Variants in TMCC1 observed in about 807,000 individuals in gnomAD.
TMCC1 encodes transmembrane and coiled-coil domain family 1, also known as transmembrane and coiled-coil domains protein 1.
TMCC1 carries 15 observed loss-of-function variants against 52.4 expected under a neutral mutation model. That is an observed-to-expected ratio of 0.29 (90% CI 0.19 to 0.44). The LOEUF is 0.44. TMCC1 is among the 20% of genes least tolerant of loss of function. The probability of loss-of-function intolerance (pLI) is 1.00; values close to 1 mark genes in which losing one functional copy is unlikely to be tolerated. For missense variants in TMCC1, 503 were observed against 806.0 expected (o/e 0.62, Z 4.55); for synonymous variants, 279 against 301.9 (o/e 0.92, Z 0.79).
intron 4 of TMCC1, among the ~76,000 whole-genome samples, chr3:129,675,795 T>C (rs2088374726): frequency 6.6e-6 from 1 of 152,136 alleles, no homozygotes; most frequent in Non-Finnish European, 1.5e-5. Context: ...CTCAGCACTT[T>C]GAGAGGCCGA....
At chr3:129,652,601 A>G (rs145118432) in intron 6 of TMCC1, among the ~76,000 whole-genome samples, 2 of 152,242 alleles carry the variant, frequency 1.3e-5, no homozygotes, top group African/African-American at 4.8e-5. Context: ...AAATCTCATC[A>G]GTTTTTAAAA....
At chr3:129,734,706 C>T (rs1265715869) in intron 4 of TMCC1, among the ~76,000 whole-genome samples, 1 of 151,984 alleles carries the variant, frequency 6.6e-6, no homozygotes, top group African/African-American at 2.4e-5. Context: ...GAATAAAACA[C>T]ATATGTTAAT....
rs571522055 is a variant in TMCC1, at chr3:129,771,186, T to C, written c.576+56617A>G. On this transcript the variant is annotated intron_variant, in intron 4 of 6. Coordinates refer to ENST00000393238, the MANE Select transcript of TMCC1 (RefSeq NM_001017395.5). ...GCATAAAGAGTGGGTACAATTTGGA[T>C]AAGGAGATTGGGGATGGGCTGGGAA... 6.6e-5 allele frequency among the ~76,000 whole-genome samples: 10 copies of C among 152,100 alleles called. No individual in the cohort carries two copies. In the South Asian group the frequency reaches 2.1e-3, roughly 32 times the overall value.
intron 4 of TMCC1, among the ~76,000 whole-genome samples, chr3:129,679,444 T>C (rs2088773619): frequency 6.6e-6 from 1 of 152,146 alleles, no homozygotes; most frequent in African/African-American, 2.4e-5. Flanking sequence ...TAGCTGGGAC[T>C]ACAGGTGCGC....
chr3:129,659,168 T>G (rs1425002182), intron 5 of TMCC1, among the ~76,000 whole-genome samples: 1 of 150,788 alleles, frequency 6.6e-6, no homozygotes, highest in Non-Finnish European at 1.5e-5. Context: ...GGTGCAATCA[T>G]GGCTCACTGC....
At chr3:129,659,526 T>C (rs1028594784) in intron 5 of TMCC1, among the ~76,000 whole-genome samples, 3 of 152,126 alleles carry the variant, frequency 2.0e-5, no homozygotes, top group African/African-American at 4.8e-5. Flanking sequence ...CTATGTAAAA[T>C]CAGGTGTGAA....
intron 4 of TMCC1, among the ~76,000 whole-genome samples, chr3:129,677,537 C>G (rs1357512047): frequency 6.6e-6 from 1 of 152,162 alleles, no homozygotes; most frequent in African/African-American, 2.4e-5. Context: ...ATTCCTGCTA[C>G]AAATACTTCA....
chr3:129,709,934 C>T (rs1370576848), intron 4 of TMCC1, among the ~76,000 whole-genome samples: 1 of 152,100 alleles, frequency 6.6e-6, no homozygotes, highest in Non-Finnish European at 1.5e-5. Context: ...CACCTGTAAT[C>T]CCAGCACTTT....
At chr3:129,817,066 G>A (rs1285448019) in intron 4 of TMCC1, among the ~76,000 whole-genome samples, 1 of 151,676 alleles carries the variant, frequency 6.6e-6, no homozygotes, top group African/African-American at 2.4e-5. Flanking sequence ...TATTTAAGGT[G>A]ATAGATATCC....
At chr3:129,765,042 T>A (rs1273643883) in intron 4 of TMCC1, among the ~76,000 whole-genome samples, 2 of 150,758 alleles carry the variant, frequency 1.3e-5, no homozygotes, top group African/African-American at 2.4e-5. Context: ...CCAAAAGCGA[T>A]CCTCCCTCCT....
chr3:129,883,258 G>A (rs1193942495), intron 1 of TMCC1, among the ~76,000 whole-genome samples: 1 of 152,104 alleles, frequency 6.6e-6, no homozygotes, highest in Non-Finnish European at 1.5e-5. Context: ...GTTGCAGTGA[G>A]CTGAGATCGC....
rs1362766869 is a variant in TMCC1, at chr3:129,880,515, GAAGA to G, written c.-394_-391del. ...AACTGTTCACCGAGCGTCAGCATCT[GAAGA>G]AAGTGCTAACTGTGGATGTGTCTTC... On this transcript the variant is annotated 5_prime_UTR_variant, in exon 2 of 7. It removes the in-frame stop codon of an upstream open reading frame in the 5' UTR. Transcript: ENST00000393238. The G allele has an allele frequency of 1.3e-5, 2 of 152,206 alleles. No homozygotes were observed. Among genetic ancestry groups the G allele is most frequent in the African/African-American group, 4.8e-5 (2 of 41,456 alleles). The allele number at this position is 152,206 out of a possible 1,614,324, so 9.4% of individuals were successfully genotyped here.
chr3:129,755,861 G>A (rs1277005901), intron 4 of TMCC1, among the ~76,000 whole-genome samples: 1 of 152,182 alleles, frequency 6.6e-6, no homozygotes, highest in Non-Finnish European at 1.5e-5. Flanking sequence ...TCAACACTTT[G>A]GGAGGCTGAG....
chr3:129,722,288 A>C (rs532303333), intron 4 of TMCC1, among the ~76,000 whole-genome samples: 1 of 152,204 alleles, frequency 6.6e-6, no homozygotes, highest in African/African-American at 2.4e-5. Context: ...CCCTATTATG[A>C]ACTGCGCTTG....
At chr3:129,838,896 A>AC (rs2059295614) in intron 2 of TMCC1, among the ~76,000 whole-genome samples, 1 of 152,110 alleles carries the variant, frequency 6.6e-6, no homozygotes, top group African/African-American at 2.4e-5. Context: ...TAATAAACTT[A>AC]CCATCAGAAA....
At chr3:129,713,711 CAA>C (rs113963331) in intron 4 of TMCC1, among the ~76,000 whole-genome samples, 138 of 60,134 alleles carry the variant, frequency 2.3e-3, no homozygotes, top group African/African-American at 6.8e-3. Flanking sequence ...ACCCCCATCT[CAA>C]AAAAAAAAAA....
chr3:129,730,217 T>C (rs537479257), intron 4 of TMCC1, among the ~76,000 whole-genome samples: 1 of 152,170 alleles, frequency 6.6e-6, no homozygotes, highest in African/African-American at 2.4e-5. Context: ...TCTCCCAATA[T>C]GCAGCATGCC....
chr3:129,861,022 G>C (rs2060365653), intron 2 of TMCC1: 1 of 152,144 alleles, frequency 6.6e-6, no homozygotes, highest in Non-Finnish European at 1.5e-5. Context: ...ACTAACATAA[G>C]GGGGACAAAA....
At chr3:129,667,763 G>T (rs2108879659) in intron 5 of TMCC1, among the ~76,000 whole-genome samples, 1 of 152,250 alleles carries the variant, frequency 6.6e-6, no homozygotes, top group African/African-American at 2.4e-5. Context: ...GGATTCAAAG[G>T]TGGCTCCTGA....
Sources: allele counts gnomAD v4.1 joint callset (sites outside exome capture counted in the v4.1 genomes callset), GRCh38; gene constraint gnomAD v4.1.1; transcripts MANE v1.5; gene names NCBI Gene and HGNC (gene_info 2026-07-23, HGNC 2026-07-21).